Variants in SYNJ2BP observed in about 807,000 individuals in gnomAD.
The protein encoded by SYNJ2BP is synaptojanin 2 binding protein.
Under a neutral mutation model 16.9 loss-of-function variants are expected in SYNJ2BP, and 10 were observed. That is an observed-to-expected ratio of 0.59 (90% confidence interval 0.36 to 1.00). The LOEUF is 1.00. Ranked by LOEUF, SYNJ2BP falls within the 50% of genes least tolerant of loss-of-function variation. The pLI is 0.01. For missense variants in SYNJ2BP, 162 were observed against 186.7 expected, an observed-to-expected ratio of 0.87 and a Z score of 0.77; for synonymous variants, 54 against 68.4, an observed-to-expected ratio of 0.79 and a Z score of 1.04.
At chr14:70,374,555 C>T (rs1214693947) in intron 3 of SYNJ2BP, among the ~76,000 whole-genome samples, 1 of 152,102 alleles carries the variant, frequency 6.6e-6, no homozygotes, top group Non-Finnish European at 1.5e-5. Context: ...TTATATCTAC[C>T]CAGGCTTCCC....
chr14:70,411,216 C>T (rs1347487029), intron 1 of SYNJ2BP, among the ~76,000 whole-genome samples: 2 of 152,118 alleles, frequency 1.3e-5, no homozygotes, highest in Non-Finnish European at 2.9e-5. Flanking sequence ...AAGGTTTCCT[C>T]ATTTCTGAAA....
rs1887399191 is a variant in SYNJ2BP at position 70,366,891 on chromosome 14, C to T, written c.*6100G>A. 1 of 152,166 alleles carries T rather than the reference C, an allele frequency of 6.6e-6. No homozygotes were observed. Among genetic ancestry groups the T allele is most frequent in the Non-Finnish European group, 1.5e-5 (1 of 68,040 alleles). The allele number at this position is 152,166 out of a possible 1,614,324, so 9.4% of individuals were successfully genotyped here. A position where few individuals can be genotyped will look rare whatever the true frequency, so the allele number is the denominator to read the frequency against. On this transcript the variant is annotated 3_prime_UTR_variant, in exon 4 of 4. Transcript: ENST00000256366. The stretch of plus-strand genomic sequence containing the variant: ...CAAATATATCCGGTAATAAGAAGCC[C>T]AGATTACTGCAGATAAAAGATTAAA...
chr14:70,375,539 CCT>C (rs1477554198), intron 3 of SYNJ2BP, 135 bp downstream of exon 3: 4 of 1,113,202 alleles, frequency 3.6e-6, no homozygotes, highest in African/African-American at 3.2e-5. Flanking sequence ...CCAATGGACC[CCT>C]CCCTTTGCCT....
chr14:70,415,507 T>C (rs1285082040), intron 1 of SYNJ2BP, among the ~76,000 whole-genome samples: 1 of 144,546 alleles, frequency 6.9e-6, no homozygotes, highest in Non-Finnish European at 1.5e-5. Flanking sequence ...GCTGAGATCG[T>C]GCCACTGCAC....
intron 2 of SYNJ2BP, 33 bp from the exon 3 acceptor site, chr14:70,375,804 A>G (rs2140810301): frequency 1.2e-6 from 2 of 1,607,632 alleles, no homozygotes; most frequent in East Asian, 2.2e-5. Context: ...TAAGAAAGGA[A>G]GAAGGCTATT....
intron 1 of SYNJ2BP, 26 bp from the exon 2 acceptor site, chr14:70,388,632 A>C: frequency 6.8e-7 from 1 of 1,463,382 alleles, no homozygotes; most frequent in Non-Finnish European, 9.1e-7. Flanking sequence ...AGGAGTAAAA[A>C]GATGGGGGTG....
rs1272425185 is a variant in SYNJ2BP at position 70,388,548 on chromosome 14, G to A, written c.123C>T (p.Gly41=). 6.2e-7 allele frequency: 1 copy of A among 1,600,836 alleles called. No homozygotes were observed. The highest frequency in any genetic ancestry group is 8.5e-7 in the Non-Finnish European group (1 of 1,173,948). ...TDQQYVSNDS[G]IYVSRIKENG... is the part of the protein sequence containing the mutation. ...TTTCTTTGATGCGGCTGACGTAGAT[G>A]CCACTGTCGTTGGAGACATACTGCT... Residue 41 remains glycine, a synonymous_variant, in exon 2 of 4, where the codon GGC becomes GGT. Transcript: ENST00000256366.
chr14:70,404,848 A>G (rs550666632), intron 1 of SYNJ2BP, among the ~76,000 whole-genome samples: 96 of 152,328 alleles, frequency 6.3e-4, no homozygotes, highest in African/African-American at 2.2e-3. Flanking sequence ...AAGGAGGGCC[A>G]GGTATAGCGG....
At chr14:70,393,195 A>C (rs1888016100) in intron 1 of SYNJ2BP, among the ~76,000 whole-genome samples, 1 of 152,260 alleles carries the variant, frequency 6.6e-6, no homozygotes, top group African/African-American at 2.4e-5. Context: ...TACGGCCAAC[A>C]ACATATAAAG....
chr14:70,397,074 C>A (rs1166102607), intron 1 of SYNJ2BP, among the ~76,000 whole-genome samples: 1 of 152,106 alleles, frequency 6.6e-6, no homozygotes. Context: ...GGTATTGAAG[C>A]TTTTTCCATT....
intron 1 of SYNJ2BP, among the ~76,000 whole-genome samples, chr14:70,396,331 A>ACC (rs1888094093): frequency 6.6e-6 from 1 of 152,048 alleles, no homozygotes; most frequent in Non-Finnish European, 1.5e-5. Context: ...GTTAGCCAGG[A>ACC]TGGTCTCCAT....
chr14:70,391,527 G>A (rs967659247), intron 1 of SYNJ2BP, among the ~76,000 whole-genome samples: 3 of 152,126 alleles, frequency 2.0e-5, no homozygotes, highest in Non-Finnish European at 4.4e-5. Context: ...TTGAACAAGG[G>A]GGCCAAGGCC....
chr14:70,379,529 A>C (rs1887703265), intron 2 of SYNJ2BP, among the ~76,000 whole-genome samples: 1 of 152,210 alleles, frequency 6.6e-6, no homozygotes, highest in Admixed American at 6.5e-5. Context: ...TTATCTTCCA[A>C]GATTGATCTT....
chr14:70,416,322 T>C (rs1355713310), intron 1 of SYNJ2BP, among the ~76,000 whole-genome samples: 6 of 150,910 alleles, frequency 4.0e-5, no homozygotes, highest in East Asian at 3.8e-4. Context: ...ATTTTCTTTT[T>C]TTTTTTTTTT....
At chr14:70,383,979 A>C (rs1161841188) in intron 2 of SYNJ2BP, among the ~76,000 whole-genome samples, 1 of 147,318 alleles carries the variant, frequency 6.8e-6, no homozygotes, top group Admixed American at 6.8e-5. Context: ...TTTTTTTGAG[A>C]TGGAGTCTTG....
chr14:70,408,930 T>C (rs1184234914), intron 1 of SYNJ2BP, among the ~76,000 whole-genome samples: 1 of 151,706 alleles, frequency 6.6e-6, no homozygotes, highest in Admixed American at 6.6e-5. Flanking sequence ...ACCTCCTAGG[T>C]TCAAGCAATT....
intron 1 of SYNJ2BP, among the ~76,000 whole-genome samples, chr14:70,393,743 A>C (rs1458794286): frequency 6.6e-6 from 1 of 151,506 alleles, no homozygotes; most frequent in African/African-American, 2.4e-5. Flanking sequence ...CATAAGTGGG[A>C]GCCGAACAAT....
At chr14:70,387,053 G>C (rs563366136) in intron 2 of SYNJ2BP, among the ~76,000 whole-genome samples, 1 of 152,156 alleles carries the variant, frequency 6.6e-6, no homozygotes, top group Non-Finnish European at 1.5e-5. Context: ...ATCTGGAGAG[G>C]ATAGGGCTCC....
chr14:70,382,491 C>T (rs544696136), intron 2 of SYNJ2BP, among the ~76,000 whole-genome samples: 1 of 152,308 alleles, frequency 6.6e-6, no homozygotes, highest in South Asian at 2.1e-4. Context: ...ACCACGGGAT[C>T]TCATAATGCA....
Sources: gnomAD v4.1 joint callset for allele counts (sites outside exome capture counted in the v4.1 genomes callset) on GRCh38, gnomAD v4.1.1 for gene constraint, MANE v1.5 for transcripts, NCBI Gene and HGNC (gene_info 2026-07-23, HGNC 2026-07-21) for gene names.